Variants in LHFPL3 observed in about 807,000 individuals in gnomAD.
The protein encoded by LHFPL3 is LHFPL tetraspan subfamily member 3.
A neutral mutation model predicts 19.3 loss-of-function variants in LHFPL3; 5 were observed. The observed-to-expected ratio is 0.26, with a 90% confidence interval of 0.14 to 0.54. The LOEUF (loss-of-function observed/expected upper bound fraction) is 0.54, where lower values mean the gene tolerates loss of function less well. Ranked by LOEUF, LHFPL3 falls within the 20% of genes least tolerant of loss-of-function variation. LHFPL3 has a pLI of 0.94. For synonymous variants in LHFPL3, 133 were observed against 126.2 expected (o/e 1.05, Z -0.36); for missense variants, 249 against 307.4 (o/e 0.81, Z 1.42).
chr7:104,722,970 A>T (rs967686165), intron 1 of LHFPL3, among the ~76,000 whole-genome samples: 1 of 152,182 alleles, frequency 6.6e-6, no homozygotes, highest in Non-Finnish European at 1.5e-5. Context: ...AAAGCCCCAA[A>T]TGGGATAGTC....
At chr7:104,824,598 T>G (rs1183321052) in intron 2 of LHFPL3, among the ~76,000 whole-genome samples, 9 of 78,856 alleles carry the variant, frequency 1.1e-4, no homozygotes, top group East Asian at 7.0e-4. Context: ...TATAATTATA[T>G]ATTATATATA....
intron 1 of LHFPL3, among the ~76,000 whole-genome samples, chr7:104,499,028 A>G (rs1793546725): frequency 6.6e-6 from 1 of 152,194 alleles, no homozygotes; most frequent in Non-Finnish European, 1.5e-5. Flanking sequence ...AGGTGCAATA[A>G]CTCATTTAAA....
chr7:104,563,538 G>C (rs1485410045), intron 1 of LHFPL3, among the ~76,000 whole-genome samples: 1 of 152,194 alleles, frequency 6.6e-6, no homozygotes, highest in Non-Finnish European at 1.5e-5. Context: ...GCCCTGCTTC[G>C]GCTCGCGCAC....
At chr7:104,596,473 CT>C (rs1790862444) in intron 1 of LHFPL3, among the ~76,000 whole-genome samples, 1 of 152,184 alleles carries the variant, frequency 6.6e-6, no homozygotes, top group Non-Finnish European at 1.5e-5. Context: ...TAAGTGGTCA[CT>C]TTTTCAGCTC....
At chr7:104,487,957 G>C (rs949491400) in intron 1 of LHFPL3, among the ~76,000 whole-genome samples, 9 of 152,142 alleles carry the variant, frequency 5.9e-5, no homozygotes, top group African/African-American at 2.2e-4. Context: ...GCCAAGAGAG[G>C]CTCCTTCTTG....
intron 2 of LHFPL3, among the ~76,000 whole-genome samples, chr7:104,868,802 A>T (rs1791778831): frequency 6.6e-6 from 1 of 152,218 alleles, no homozygotes; most frequent in Non-Finnish European, 1.5e-5. Context: ...AACTGGAGGC[A>T]TCACGCTACC....
chr7:104,807,315 G>A (rs1026354365), intron 2 of LHFPL3, among the ~76,000 whole-genome samples: 3 of 152,092 alleles, frequency 2.0e-5, no homozygotes, highest in African/African-American at 7.2e-5. Context: ...AACCACAGAA[G>A]CCAGAGGACA....
chr7:104,511,256 A>G (rs1452072207), intron 1 of LHFPL3, among the ~76,000 whole-genome samples: 2 of 152,178 alleles, frequency 1.3e-5, no homozygotes, highest in Admixed American at 6.5e-5. Flanking sequence ...TAAAACCACA[A>G]TGACGTATCA....
At chr7:104,424,449 C>T (rs1253849747) in intron 1 of LHFPL3, among the ~76,000 whole-genome samples, 1 of 151,872 alleles carries the variant, frequency 6.6e-6, no homozygotes, top group African/African-American at 2.4e-5. Context: ...ATGGTCCCAG[C>T]TTTCCATTAC....
At position 104,782,103 on chromosome 7, in the gene LHFPL3, T is replaced by C. The variant is rs993790115; in HGVS notation, c.682+45192T>C. Among the ~76,000 whole-genome samples, 8 of 152,200 alleles carry C rather than the reference T, an allele frequency of 5.3e-5. No homozygotes were observed. The East Asian group carries it at 1.2e-3, about 22-fold the overall frequency. The stretch of plus-strand genomic sequence containing the variant: ...GCTCCACATGGCATCATGCATGGTA[T>C]TCAGCTAATGACTGGGCTGGGCTGG... On this transcript the variant is annotated intron_variant, in intron 2 of 2. Coordinates refer to ENST00000424859, the MANE Select transcript of LHFPL3 (RefSeq NM_199000.3).
Position 104,399,650 on chromosome 7 carries a change from T to C in LHFPL3, c.445+70426T>C, listed in dbSNP as rs1012506788. On this transcript the variant is annotated intron_variant, in intron 1 of 2. Transcript: ENST00000424859. This position sits in a 1 kb window ranked among gnomAD's most constrained non-coding sequence, Gnocchi z 4.4. ...CTAAGTTTTGCATTTTTTTTTTTTTTTTTGGTAGAGACGGGGTTTCACCAT... is the reference window on the plus strand; with the variant it reads ...CTAAGTTTTGCATTTTTTTTTTTTTCTTTGGTAGAGACGGGGTTTCACCAT... 6.6e-6 allele frequency among the ~76,000 whole-genome samples: 1 copy of C among 151,302 alleles called. No individual in the cohort carries two copies. The highest frequency in any genetic ancestry group is 2.4e-5 in the African/African-American group (1 of 41,170).
chr7:104,708,140 C>T (rs56887337), intron 1 of LHFPL3, among the ~76,000 whole-genome samples: 5,442 of 152,218 alleles, frequency 0.036, 316 homozygotes, highest in African/African-American at 0.12. Context: ...TATAGAAAGG[C>T]CCAAGAGAGC....
chr7:104,647,407 A>G (rs926757573), intron 1 of LHFPL3, among the ~76,000 whole-genome samples: 2 of 152,212 alleles, frequency 1.3e-5, no homozygotes, highest in African/African-American at 4.8e-5. Context: ...GCCTCTGAGG[A>G]AATATAATGA....
chr7:104,523,708 A>G (rs1794127050), intron 1 of LHFPL3, among the ~76,000 whole-genome samples: 1 of 152,212 alleles, frequency 6.6e-6, no homozygotes, highest in Non-Finnish European at 1.5e-5. Context: ...ATTGAAATAG[A>G]TGATCACTCT....
chr7:104,524,946 C>T (rs952387883), intron 1 of LHFPL3, among the ~76,000 whole-genome samples: 1 of 152,072 alleles, frequency 6.6e-6, no homozygotes, highest in Non-Finnish European at 1.5e-5. Flanking sequence ...ATTATATACA[C>T]CTAGTATTTC....
intron 1 of LHFPL3, among the ~76,000 whole-genome samples, chr7:104,492,710 A>G (rs763524887): frequency 6.6e-5 from 10 of 152,236 alleles, no homozygotes; most frequent in Non-Finnish European, 1.3e-4. Context: ...AATTTAAAGG[A>G]CATTTGTCTT....
intron 2 of LHFPL3, among the ~76,000 whole-genome samples, chr7:104,904,024 G>T (rs1562831366): frequency 6.6e-6 from 1 of 152,158 alleles, no homozygotes; most frequent in African/African-American, 2.4e-5. Context: ...TTCCACAGTG[G>T]TTGATTGTTT....
chr7:104,381,535 C>A (rs919980419), intron 1 of LHFPL3, among the ~76,000 whole-genome samples: 1 of 151,388 alleles, frequency 6.6e-6, no homozygotes, highest in African/African-American at 2.4e-5. Context: ...TTTCTTCCAT[C>A]TTTCCTTCCT....
chr7:104,708,792 G>C (rs1793237619), intron 1 of LHFPL3, among the ~76,000 whole-genome samples: 1 of 152,084 alleles, frequency 6.6e-6, no homozygotes, highest in Non-Finnish European at 1.5e-5. Flanking sequence ...TGTTACACTT[G>C]ATAGCCTCTG....
Sources: allele counts gnomAD v4.1 joint callset (sites outside exome capture counted in the v4.1 genomes callset), GRCh38; gene constraint gnomAD v4.1.1; non-coding constraint Gnocchi (gnomAD v3.1); transcripts MANE v1.5; gene names NCBI Gene and HGNC (gene_info 2026-07-23, HGNC 2026-07-21).